MACROD2: variants seen among roughly 807,000 people sequenced by gnomAD.
The protein encoded by MACROD2 is ADP-ribose glycohydrolase MACROD2.
In MACROD2, 36 loss-of-function variants were observed where a neutral mutation model predicts 70.4. That is an observed-to-expected ratio of 0.51 (90% CI 0.39 to 0.68). MACROD2 has a LOEUF of 0.68. MACROD2 is among the 30% of genes least tolerant of loss of function. The pLI is 0.00. For synonymous variants in MACROD2, 172 were observed against 178.8 expected (o/e 0.96, Z 0.30); for missense variants, 496 against 538.4 (o/e 0.92, Z 0.78).
chr20:14,510,119 T>A lies in MACROD2; in HGVS notation c.301+16611T>A, dbSNP rs145939067. Among the ~76,000 whole-genome samples the A allele has an allele frequency of 5.1e-3, 781 of 152,166 alleles. 5 individuals carry two copies. Among genetic ancestry groups the A allele is most frequent in the Admixed American group, 9.2e-3 (140 of 15,278 alleles). On this transcript the variant is annotated intron_variant, in intron 4 of 17. Transcript: ENST00000684519. ...GGTACAGACTGATTCTCTTAGAAAG[T>A]GTTCTGCTTTCTATTATCTTAGCGT...
intron 4 of MACROD2, among the ~76,000 whole-genome samples, chr20:14,563,931 T>G (rs1979606496): frequency 6.6e-6 from 1 of 151,932 alleles, no homozygotes; most frequent in East Asian, 1.9e-4. Context: ...TGGTGTTACA[T>G]TACTTGACTT....
chr20:15,116,933 T>C (rs2075995857), intron 5 of MACROD2, among the ~76,000 whole-genome samples: 1 of 152,240 alleles, frequency 6.6e-6, no homozygotes, highest in African/African-American at 2.4e-5. Flanking sequence ...TTAAAGAAGT[T>C]AAAATAAGAC....
intron 8 of MACROD2, among the ~76,000 whole-genome samples, chr20:15,622,602 T>G (rs1178027814): frequency 6.6e-6 from 1 of 152,104 alleles, no homozygotes; most frequent in Non-Finnish European, 1.5e-5. Context: ...GGCATGAGAT[T>G]TCATCACACT....
At position 15,936,671 on chromosome 20, in the gene MACROD2, G is replaced by GTGTGTATATATATATATATATATATATA. The variant is rs1555797416; in HGVS notation, c.839-804_839-803insGTGTATATATATATATATATATATATAT. On this transcript the variant is annotated intron_variant, in intron 11 of 17. Transcript: ENST00000684519. ...TTTTGTCCATAATGTGTATATGTGTGTATATATATATATATATTCATTTTC... is the reference window on the plus strand; with the variant it reads ...TTTTGTCCATAATGTGTATATGTGTGTGTGTATATATATATATATATATATATATATATATATATATATATTCATTTTC... Among the ~76,000 whole-genome samples the GTGTGTATATATATATATATATATATATA allele has an allele frequency of 2.0e-3, 284 of 143,192 alleles. 4 individuals carry two copies. The highest frequency in any genetic ancestry group is 7.0e-3 in the African/African-American group (267 of 38,234). The allele number at this position is 143,192 out of a possible 152,430, so 93.9% of individuals were successfully genotyped here.
chr20:14,757,991 G>C, intron 5 of MACROD2: 2 of 804,832 alleles, frequency 2.5e-6, no homozygotes, highest in Middle Eastern at 3.4e-4. Context: ...GGCTGGGACT[G>C]GGTCAGCAAC....
At chr20:15,762,749 TGACTTGCTA>T (rs1489633566) in intron 8 of MACROD2, among the ~76,000 whole-genome samples, 1 of 152,222 alleles carries the variant, frequency 6.6e-6, no homozygotes, top group African/African-American at 2.4e-5. Flanking sequence ...ACTGTTCTGG[TGACTTGCTA>T]ATAACCAAAG....
At chr20:15,238,750 C>T (rs1229438380) in intron 6 of MACROD2, among the ~76,000 whole-genome samples, 2 of 152,088 alleles carry the variant, frequency 1.3e-5, no homozygotes, top group Non-Finnish European at 2.9e-5. Context: ...ACCAAGAAAA[C>T]TATGTTTAAA....
intron 5 of MACROD2, among the ~76,000 whole-genome samples, chr20:14,998,623 T>G (rs1029543465): frequency 3.3e-5 from 5 of 152,080 alleles, no homozygotes; most frequent in African/African-American, 9.7e-5. Context: ...AGCACACCTA[T>G]AGGATCGAGA....
Position 15,218,119 on chromosome 20 carries a change from C to A in MACROD2, c.419-11821C>A, listed in dbSNP as rs148837020. 1.5e-3 allele frequency among the ~76,000 whole-genome samples: 225 copies of A among 152,262 alleles called. 1 individual carries two copies. Among genetic ancestry groups the A allele is most frequent in the African/African-American group, 5.3e-3 (219 of 41,564 alleles). On this transcript the variant is annotated intron_variant, in intron 5 of 17. Transcript: ENST00000684519. ...TTTCTTTTACTCTTAACTAACACTT[C>A]TCTTATTCTTGTCCCCTTTCTGCAT... is the stretch of plus-strand genomic sequence containing the variant.
intron 5 of MACROD2, among the ~76,000 whole-genome samples, chr20:15,216,439 A>G (rs558714773): frequency 3.9e-5 from 6 of 152,192 alleles, no homozygotes; most frequent in Non-Finnish European, 7.4e-5. Flanking sequence ...AAAATAAAAA[A>G]CAGCTTACTT....
intron 8 of MACROD2, among the ~76,000 whole-genome samples, chr20:15,729,281 T>C (rs1158409941): frequency 6.6e-6 from 1 of 152,226 alleles, no homozygotes; most frequent in African/African-American, 2.4e-5. Context: ...TTTCTGAATT[T>C]GCTGAGCATT....
At chr20:14,528,330 T>TC (rs2085260055) in intron 4 of MACROD2, among the ~76,000 whole-genome samples, 1 of 151,362 alleles carries the variant, frequency 6.6e-6, no homozygotes, top group East Asian at 1.9e-4. Flanking sequence ...TGTTTTTTTT[T>TC]TTTTCAGTAG....
chr20:15,748,838 G>C (rs960897015), intron 8 of MACROD2, among the ~76,000 whole-genome samples: 2 of 152,046 alleles, frequency 1.3e-5, no homozygotes, highest in African/African-American at 2.4e-5. Context: ...TGACAAACAC[G>C]TATATACTGT....
At chr20:15,082,368 A>T (rs185296686) in intron 5 of MACROD2, among the ~76,000 whole-genome samples, 3 of 152,048 alleles carry the variant, frequency 2.0e-5, no homozygotes, top group African/African-American at 7.2e-5. Flanking sequence ...GGTAGTTTGG[A>T]GGCTGTGTCA....
intron 3 of MACROD2, among the ~76,000 whole-genome samples, chr20:14,093,980 T>G (rs1220368221): frequency 2.9e-5 from 4 of 139,656 alleles, no homozygotes; most frequent in African/African-American, 8.5e-5. Flanking sequence ...GGGCTGAGGT[T>G]TTTTTTTTTA....
At chr20:15,922,286 T>C (rs974005304) in intron 10 of MACROD2, among the ~76,000 whole-genome samples, 1 of 152,242 alleles carries the variant, frequency 6.6e-6, no homozygotes, top group African/African-American at 2.4e-5. Context: ...CAAATGCATA[T>C]GTTGTTTTAC....
chr20:14,775,693 G>A (rs895209267), intron 5 of MACROD2, among the ~76,000 whole-genome samples: 1 of 151,782 alleles, frequency 6.6e-6, no homozygotes, highest in Non-Finnish European at 1.5e-5. Flanking sequence ...GGTTTAGCTG[G>A]GATATGAACC....
At chr20:14,049,276 G>A (rs2053528464) in intron 2 of MACROD2, among the ~76,000 whole-genome samples, 1 of 151,550 alleles carries the variant, frequency 6.6e-6, no homozygotes. Flanking sequence ...CCTGATGATA[G>A]AAAGTAGATG....
intron 4 of MACROD2, among the ~76,000 whole-genome samples, chr20:14,594,527 TATAAC>T (rs545764864): frequency 1.4e-3 from 216 of 152,354 alleles, no homozygotes; most frequent in African/African-American, 4.8e-3. Flanking sequence ...TAAACCTTAA[TATAAC>T]ATATTTTTTC....
Sources: allele counts gnomAD v4.1 joint callset (sites outside exome capture counted in the v4.1 genomes callset), GRCh38; gene constraint gnomAD v4.1.1; transcripts MANE v1.5; gene names NCBI Gene and HGNC (gene_info 2026-07-23, HGNC 2026-07-21).